The following GAP43 variants were observed in gnomAD, a reference collection of about 807,000 sequenced individuals.
The protein encoded by GAP43 is neuromodulin.
Under a neutral mutation model 18.6 loss-of-function variants are expected in GAP43, and 6 were observed. That is an observed-to-expected ratio of 0.32 (90% CI 0.18 to 0.64). The LOEUF (loss-of-function observed/expected upper bound fraction) is 0.64. GAP43 is among the 30% of genes least tolerant of loss of function. The pLI, the probability that GAP43 is intolerant of heterozygous loss-of-function variation, is 0.78. For synonymous variants in GAP43, 115 were observed against 111.4 expected, an observed-to-expected ratio of 1.03 and a Z score of -0.20; for missense variants, 292 against 295.5, an observed-to-expected ratio of 0.99 and a Z score of 0.09.
chr3:115,676,189 G>C lies in GAP43; in HGVS notation c.207G>C (p.Lys69Asn). 6.2e-7 allele frequency: 1 copy of C among 1,614,198 alleles called. No homozygotes were observed. Among genetic ancestry groups the C allele is most frequent in the Non-Finnish European group, 8.5e-7 (1 of 1,180,036 alleles). Residue 69 changes from lysine (K) to asparagine (N), a missense_variant, in exon 2 of 3, where the codon AAG (lysine) becomes AAC (asparagine). Transcript: ENST00000305124. ...CTGCTGAGGCTGAAGCTAATAAGAA[G>C]GATGAAGCCCCTGTTGCCGATGGGG... is the stretch of plus-strand genomic sequence containing the variant. The part of the protein sequence containing the change: ...VQAAEAEANK[K>N]DEAPVADGVE...
intron 1 of GAP43, among the ~76,000 whole-genome samples, chr3:115,670,008 T>TA (rs1553722373): frequency 6.9e-6 from 1 of 145,754 alleles, no homozygotes; most frequent in East Asian, 2.0e-4. Flanking sequence ...TTTTTTTTTT[T>TA]ATTATACTCT....
At position 115,676,656 on chromosome 3, in the gene GAP43, A is replaced by T. The variant is rs1419074237; in HGVS notation, c.628+46A>T. 12 of 1,496,012 alleles carry T rather than the reference A, an allele frequency of 8.0e-6. No homozygotes were observed. In the South Asian group the frequency reaches 1.5e-4, roughly 19 times the overall value. 92.7% of individuals were successfully genotyped at this position (1,496,012 alleles called of 1,614,324 possible). On this transcript the variant is annotated intron_variant, in intron 2 of 2. Coordinates refer to ENST00000305124, the MANE Select transcript of GAP43 (RefSeq NM_002045.4). ...GATGCAATGGGTGGATGGGGAAGGG[A>T]GTTGCTATTCGGAAGACCAGGCCAC...
chr3:115,673,303 A>G (rs1708838017), intron 1 of GAP43, among the ~76,000 whole-genome samples: 1 of 152,162 alleles, frequency 6.6e-6, no homozygotes, highest in Non-Finnish European at 1.5e-5. Context: ...CTTTGTTTAT[A>G]TCATGTAGAC....
intron 1 of GAP43, among the ~76,000 whole-genome samples, chr3:115,630,406 G>C (rs1377961266): frequency 6.6e-6 from 1 of 152,298 alleles, no homozygotes; most frequent in Non-Finnish European, 1.5e-5. Context: ...GACTGTTAAA[G>C]GAATGTTAGT....
In GAP43 at chr3:115,623,599, A is replaced by G. The variant is rs1157267852; in HGVS notation, c.-91A>G. On this transcript the variant is annotated 5_prime_UTR_variant, in exon 1 of 3. Coordinates refer to ENST00000305124, the MANE Select transcript of GAP43 (RefSeq NM_002045.4). ...GCTAGCGCGAGAGAGCGAGTGAGCAAGCGAGCAGAAAAGAGGTGGAGAGGG... is the reference window on the plus strand; with the variant it reads ...GCTAGCGCGAGAGAGCGAGTGAGCAGGCGAGCAGAAAAGAGGTGGAGAGGG... The G allele has an allele frequency of 2.5e-5, 38 of 1,539,150 alleles. No individual in the cohort carries two copies. Among genetic ancestry groups the G allele is most frequent in the Non-Finnish European group, 3.3e-5 (37 of 1,115,600 alleles).
chr3:115,634,700 G>A (rs1397689598), intron 1 of GAP43, among the ~76,000 whole-genome samples: 1 of 152,052 alleles, frequency 6.6e-6, no homozygotes, highest in Non-Finnish European at 1.5e-5. Flanking sequence ...AGCCTAGGAG[G>A]TATAGGCTGC....
chr3:115,668,537 G>A (rs1427445833), intron 1 of GAP43, among the ~76,000 whole-genome samples: 1 of 152,122 alleles, frequency 6.6e-6, no homozygotes, highest in East Asian at 1.9e-4. Context: ...CAATTCTCCT[G>A]CCTCAGCCTC....
chr3:115,683,028 T>G (rs1272134851), intron 2 of GAP43, among the ~76,000 whole-genome samples: 1 of 152,140 alleles, frequency 6.6e-6, no homozygotes, highest in African/African-American at 2.4e-5. Context: ...TGAAACTACA[T>G]TTGGAACTAA....
At chr3:115,691,784 A>G (rs890566107) in intron 2 of GAP43, among the ~76,000 whole-genome samples, 1 of 152,220 alleles carries the variant, frequency 6.6e-6, no homozygotes, top group African/African-American at 2.4e-5. Flanking sequence ...TGAGCCTGGA[A>G]GTCAGCCAAG....
chr3:115,679,725 G>A (rs960353344), intron 2 of GAP43, among the ~76,000 whole-genome samples: 3 of 152,104 alleles, frequency 2.0e-5, no homozygotes, highest in Non-Finnish European at 4.4e-5. Flanking sequence ...ATTTTCCCCA[G>A]TAGAGGACTC....
At position 115,664,901 on chromosome 3, in the gene GAP43, AG is replaced by A. The variant is rs540061212; in HGVS notation, c.31-11110del. On this transcript the variant is annotated intron_variant, in intron 1 of 2. Transcript: ENST00000305124. ...CCGCTTCCACCCCAGTCCTGAAAAA[AG>A]GCATTCAGTTATTTTTTTCTACATG... Among the ~76,000 whole-genome samples, 225 of 152,324 alleles carry A rather than the reference AG, an allele frequency of 1.5e-3. 1 individual carries two copies. The highest frequency in any genetic ancestry group is 4.1e-3 in the South Asian group (20 of 4,826).
intron 2 of GAP43, among the ~76,000 whole-genome samples, chr3:115,720,592 G>A (rs1709564763): frequency 6.6e-6 from 1 of 152,136 alleles, no homozygotes; most frequent in South Asian, 2.1e-4. Context: ...TTCTTCCATA[G>A]GTGCCACTGA....
At chr3:115,708,652 G>C (rs555553064) in intron 2 of GAP43, among the ~76,000 whole-genome samples, 1 of 152,186 alleles carries the variant, frequency 6.6e-6, no homozygotes, top group Non-Finnish European at 1.5e-5. Flanking sequence ...AAAAGCAAGG[G>C]TACTGGAGTG....
Position 115,690,842 on chromosome 3 carries a change from G to A in GAP43, c.628+14232G>A, listed in dbSNP as rs552626996. Among the ~76,000 whole-genome samples the A allele has an allele frequency of 8.5e-4, 122 of 143,698 alleles. 2 individuals carry two copies. Among genetic ancestry groups the A allele is most frequent in the African/African-American group, 3.0e-3 (115 of 38,242 alleles). 94.3% of individuals were successfully genotyped at this position (143,698 alleles called of 152,430 possible). ...GCAATCTCAGCTCACTGCAAGCTCC[G>A]TCTCCCAGGTTCACGCCATTCTCCT... On this transcript the variant is annotated intron_variant, in intron 2 of 2. Coordinates refer to ENST00000305124, the MANE Select transcript of GAP43 (RefSeq NM_002045.4).
chr3:115,696,575 A>ACCCCCCCCC (rs1451962895), intron 2 of GAP43, among the ~76,000 whole-genome samples: 1 of 32,718 alleles, frequency 3.1e-5, no homozygotes, highest in Non-Finnish European at 5.6e-5. Flanking sequence ...GCTGCCCCCC[A>ACCCCCCCCC]CCGCCCCCCC....
At chr3:115,710,105 G>A (rs1374946340) in intron 2 of GAP43, among the ~76,000 whole-genome samples, 2 of 152,108 alleles carry the variant, frequency 1.3e-5, no homozygotes, top group Non-Finnish European at 2.9e-5. Context: ...CATGTGTATG[G>A]TTTGAGAACT....
At chr3:115,658,611 C>G (rs1426075032) in intron 1 of GAP43, 1 of 152,176 alleles carries the variant, frequency 6.6e-6, no homozygotes, top group African/African-American at 2.4e-5. Context: ...GCGCGGCCTC[C>G]GCCCGCTGCA....
At position 115,675,758 on chromosome 3, in the gene GAP43, C is replaced by CAAAAAAAAAAAAAAAAAAA. The variant is rs67744380; in HGVS notation, c.31-243_31-225dup. On this transcript the variant is annotated intron_variant, in intron 1 of 2. Coordinates refer to ENST00000305124, the MANE Select transcript of GAP43 (RefSeq NM_002045.4). Reference sequence around the variant, plus strand: ...TGGGTGACAGACTGAGACTCTATCTCAAAAAAAAAAAAAAAAAAAAAAAAA... The same window carrying CAAAAAAAAAAAAAAAAAAA: ...TGGGTGACAGACTGAGACTCTATCTCAAAAAAAAAAAAAAAAAAAAAAAAAAAAAAAAAAAAAAAAAAAA... 4.0e-5 allele frequency among the ~76,000 whole-genome samples: 2 copies of CAAAAAAAAAAAAAAAAAAA among 50,528 alleles called. 1 individual carries two copies. The highest frequency in any genetic ancestry group is 1.7e-4 in the African/African-American group (2 of 11,826). The allele number at this position is 50,528 out of a possible 152,430, so 33.1% of individuals were successfully genotyped here.
In GAP43 at chr3:115,634,475, G is replaced by T. The variant is rs967751891; in HGVS notation, c.30+10756G>T. The stretch of plus-strand genomic sequence containing the variant: ...AATTGTCTCATTATTTACCTAAAAA[G>T]GAAAGAAAGAAAAAAATTGACTGGA... On this transcript the variant is annotated intron_variant, in intron 1 of 2. Coordinates refer to ENST00000305124, the MANE Select transcript of GAP43 (RefSeq NM_002045.4). Among the ~76,000 whole-genome samples the T allele has an allele frequency of 7.2e-5, 11 of 152,084 alleles. No individual in the cohort carries two copies. In the East Asian group the frequency reaches 1.4e-3, roughly 19 times the overall value.
Sources: gnomAD v4.1 joint callset for allele counts (sites outside exome capture counted in the v4.1 genomes callset) on GRCh38, gnomAD v4.1.1 for gene constraint, MANE v1.5 for transcripts, NCBI Gene and HGNC (gene_info 2026-07-23, HGNC 2026-07-21) for gene names.